Variants in ZPBP observed in about 807,000 individuals in gnomAD.
ZPBP encodes zona pellucida binding protein, also known as zona pellucida-binding protein 1.
ZPBP carries 26 observed loss-of-function variants against 44.8 expected under a neutral mutation model. That is an observed-to-expected ratio of 0.58 (90% CI 0.43 to 0.81). The LOEUF (loss-of-function observed/expected upper bound fraction) is 0.81, where lower values mean the gene tolerates loss of function less well. ZPBP is among the 30% of genes least tolerant of loss of function. ZPBP has a pLI of 0.00. For synonymous variants in ZPBP, 174 were observed against 153.2 expected, an observed-to-expected ratio of 1.14 and a Z score of -1.00; for missense variants, 409 against 434.0, an observed-to-expected ratio of 0.94 and a Z score of 0.51.
At chr7:49,981,627 T>TAA (rs1473065893) in intron 7 of ZPBP, among the ~76,000 whole-genome samples, 1 of 33,730 alleles carries the variant, frequency 3.0e-5, no homozygotes, top group Non-Finnish European at 4.3e-5. Flanking sequence ...TTATATTATA[T>TAA]TATATTATAT....
At chr7:49,920,167 A>G (rs938285385) in intron 1 of ZPBP, 2 of 152,204 alleles carry the variant, frequency 1.3e-5, no homozygotes, top group African/African-American at 2.4e-5. Flanking sequence ...AGCAATATAG[A>G]GCAAAACAGA....
rs527635215 is a variant in ZPBP at position 50,012,968 on chromosome 7, T to C, written c.783+5272A>G. On this transcript the variant is annotated intron_variant, in intron 6 of 7. Coordinates refer to ENST00000046087, the MANE Select transcript of ZPBP (RefSeq NM_007009.3). ...GCATGATACAAGGATAATATGAAAA[T>C]ATCTGCTGAAAATTGAAACAACTAG... 2.7e-4 allele frequency among the ~76,000 whole-genome samples: 41 copies of C among 151,946 alleles called. No homozygotes were observed. In the South Asian group the frequency reaches 4.2e-3, roughly 15 times the overall value.
At chr7:50,043,356 T>C (rs1460022797) in intron 4 of ZPBP, among the ~76,000 whole-genome samples, 2 of 152,146 alleles carry the variant, frequency 1.3e-5, no homozygotes, top group African/African-American at 4.8e-5. Flanking sequence ...CTTTAATTCC[T>C]CTAGCACCAC....
chr7:50,056,703 C>T (rs772806288), intron 4 of ZPBP, among the ~76,000 whole-genome samples: 3 of 152,130 alleles, frequency 2.0e-5, no homozygotes, highest in Non-Finnish European at 4.4e-5. Context: ...GGACAAACAC[C>T]GCCACTTTAA....
chr7:49,946,326 C>A (rs1795103298), intron 7 of ZPBP, among the ~76,000 whole-genome samples: 1 of 151,880 alleles, frequency 6.6e-6, no homozygotes, highest in South Asian at 2.1e-4. Context: ...CATTAACATC[C>A]CTTTCCTTCA....
At chr7:50,024,544 A>AG (rs35775366) in intron 5 of ZPBP, among the ~76,000 whole-genome samples, 120,014 of 151,796 alleles carry the variant, frequency 0.79, 47,543 homozygotes, top group East Asian at 0.87. Flanking sequence ...ATGAACCTGA[A>AG]GACATATGTT....
intron 4 of ZPBP, among the ~76,000 whole-genome samples, chr7:50,042,201 G>T (rs1024068224): frequency 6.6e-6 from 1 of 152,188 alleles, no homozygotes; most frequent in Non-Finnish European, 1.5e-5. Flanking sequence ...CATTTGATTG[G>T]TGTATCTAAA....
chr7:50,073,785 C>T (rs1353126329), intron 3 of ZPBP, among the ~76,000 whole-genome samples: 1 of 152,024 alleles, frequency 6.6e-6, no homozygotes. Flanking sequence ...AAAATTTATC[C>T]TAGAATAGTA....
At chr7:49,872,931 A>AAAG (rs1403656361) in intron 2 of ZPBP, among the ~76,000 whole-genome samples, 1 of 149,442 alleles carries the variant, frequency 6.7e-6, no homozygotes, top group Non-Finnish European at 1.5e-5. Context: ...AAAAAAAAAA[A>AAAG]AAAAAAGAAA....
At position 49,982,578 on chromosome 7, in the gene ZPBP, A is replaced by T. The variant is rs968545808; in HGVS notation, c.961+764T>A. On this transcript the variant is annotated intron_variant, in intron 7 of 7. Transcript: ENST00000046087. ...CAAAGCAAAAGGAAGACCCTCACTG[A>T]ATGCTCAATCTCAAACTTCTCAGCC... 2.0e-5 allele frequency among the ~76,000 whole-genome samples: 3 copies of T among 151,222 alleles called. No individual in the cohort carries two copies. In the East Asian group the frequency reaches 5.8e-4, roughly 29 times the overall value.
chr7:50,008,295 A>C (rs1020873648), intron 6 of ZPBP, among the ~76,000 whole-genome samples: 1 of 152,086 alleles, frequency 6.6e-6, no homozygotes, highest in East Asian at 1.9e-4. Context: ...AAAAGAATAA[A>C]ACACTTAGTT....
intron 5 of ZPBP, among the ~76,000 whole-genome samples, chr7:50,029,420 T>G (rs572798614): frequency 6.6e-6 from 1 of 152,232 alleles, no homozygotes; most frequent in African/African-American, 2.4e-5. Context: ...GGCAACATAT[T>G]CTTAGAAATG....
intron 7 of ZPBP, among the ~76,000 whole-genome samples, chr7:49,972,394 G>A (rs1342264681): frequency 6.6e-6 from 1 of 151,876 alleles, no homozygotes; most frequent in Non-Finnish European, 1.5e-5. Flanking sequence ...CAGTAAAGGT[G>A]CAACATACAA....
chr7:49,869,455 G>A (rs1583714324), intron 2 of ZPBP, among the ~76,000 whole-genome samples: 1 of 152,124 alleles, frequency 6.6e-6, no homozygotes, highest in Non-Finnish European at 1.5e-5. Flanking sequence ...GTAGCAAATC[G>A]GATATAGGGA....
chr7:49,879,361 A>T (rs1055301383), intron 2 of ZPBP, among the ~76,000 whole-genome samples: 10 of 152,166 alleles, frequency 6.6e-5, no homozygotes, highest in African/African-American at 2.4e-4. Flanking sequence ...TTTGCTGGAT[A>T]TTCTTTTAGC....
At chr7:49,950,792 C>G (rs1795308453) in intron 7 of ZPBP, among the ~76,000 whole-genome samples, 1 of 151,540 alleles carries the variant, frequency 6.6e-6, no homozygotes. Context: ...GTCCAAAATA[C>G]TCAAAACATA....
At chr7:49,976,343 G>A (rs1284339339) in intron 7 of ZPBP, among the ~76,000 whole-genome samples, 3 of 150,826 alleles carry the variant, frequency 2.0e-5, no homozygotes, top group Non-Finnish European at 4.4e-5. Context: ...GTGTAGATTT[G>A]CCTACAGCAA....
chr7:49,940,819 C>T (rs1380219998), intron 7 of ZPBP: 14 of 984,998 alleles, frequency 1.4e-5, no homozygotes, highest in African/African-American at 1.7e-5. Flanking sequence ...GTATGAGAGT[C>T]CCATGCCTGT....
At chr7:50,043,401 C>T (rs996408464) in intron 4 of ZPBP, among the ~76,000 whole-genome samples, 3 of 151,896 alleles carry the variant, frequency 2.0e-5, no homozygotes, top group African/African-American at 2.4e-5. Flanking sequence ...ATGGTCTCGA[C>T]ACCCATTGGT....
Sources: allele counts gnomAD v4.1 joint callset (sites outside exome capture counted in the v4.1 genomes callset), GRCh38; gene constraint gnomAD v4.1.1; transcripts MANE v1.5; gene names NCBI Gene and HGNC (gene_info 2026-07-23, HGNC 2026-07-21).